Variants in KMT2D observed in about 807,000 individuals in gnomAD.
KMT2D encodes lysine methyltransferase 2D.
Under a neutral mutation model 512.7 loss-of-function variants are expected in KMT2D, and 55 were observed. That is an observed-to-expected ratio of 0.11 (90% confidence interval 0.09 to 0.13). KMT2D has a LOEUF of 0.13. KMT2D is among the 10% of genes least tolerant of loss of function. The probability of loss-of-function intolerance (pLI) is 1.00; values close to 1 mark genes in which losing one functional copy is unlikely to be tolerated. For missense variants in KMT2D, 6,061 were observed against 7,127.9 expected (o/e 0.85, Z 5.39); for synonymous variants, 2,995 against 2,904.0 (o/e 1.03, Z -1.01).
chr12:49,049,107 C>T lies in KMT2D; in HGVS notation c.4018G>A (p.Val1340Ile), dbSNP rs2120630156. 5 of 1,594,290 alleles carry T rather than the reference C, an allele frequency of 3.1e-6. No homozygotes were observed. The highest frequency in any genetic ancestry group is 2.6e-6 in the Non-Finnish European group (3 of 1,163,800). The change falls in exon 13 of 55, where the codon GTA (valine) becomes ATA (isoleucine). Residue 1340 changes from valine (V) to isoleucine (I), a missense_variant and splice_region_variant. Val to Ile is a conservative substitution (Grantham distance 29, BLOSUM62 3). Transcript: ENST00000301067. ...AGGAATAGGAGGCATCTCCTTACTA[C>T]CAGAGTCTCAATGGAAGAAGCAGTT... ...KSTASSIETL[V>I]VADIDSSPSK... is the part of the protein sequence containing the mutation.
rs575378376 is a variant in KMT2D at position 49,042,666 on chromosome 12, G to A, written c.5783-21C>T. Reference sequence around the variant, plus strand: ...TCCACCTACAAGACGGACAGGATCAGAGAAAAGAGCAACTGGCCCATCCTG... The same window carrying A: ...TCCACCTACAAGACGGACAGGATCAAAGAAAAGAGCAACTGGCCCATCCTG... On this transcript the variant is annotated intron_variant, in intron 27 of 54. Transcript: ENST00000301067. This position sits in a 1 kb window ranked among gnomAD's most constrained non-coding sequence, Gnocchi z 4.4. 7 of 1,611,308 alleles carry A rather than the reference G, an allele frequency of 4.3e-6. No homozygotes were observed. The highest frequency in any genetic ancestry group is 5.9e-6 in the Non-Finnish European group (7 of 1,178,172).
intron 49 of KMT2D, among the ~76,000 whole-genome samples, chr12:49,025,585 A>G (rs11168826): frequency 0.032 from 4,902 of 152,242 alleles, 267 homozygotes; most frequent in African/African-American, 0.11. Flanking sequence ...ATCACCTAAC[A>G]ATGCATTTCT....
chr12:49,035,062 CACTG>C, intron 35 of KMT2D, 127 bp from the exon 36 acceptor site: 4 of 1,206,744 alleles, frequency 3.3e-6, no homozygotes, highest in Non-Finnish European at 4.7e-6. Context: ...GCAGAAAGAC[CACTG>C]AATTAGGAGC....
intron 49 of KMT2D, 124 bp from the exon 50 acceptor site, chr12:49,025,070 T>C (rs1320725681): frequency 2.6e-6 from 3 of 1,161,294 alleles, no homozygotes; most frequent in Middle Eastern, 2.8e-4. Context: ...GAAGTTGTGT[T>C]GGTCTTCCAG....
chr12:49,022,214 T>C lies in KMT2D; in HGVS notation c.16413-63A>G, dbSNP rs2137704424. ...AACTTGGGACAATTTTGATTCCTTGTTCGTCTATCCCCCAGAGTGCCACTC... is the reference window on the plus strand; with the variant it reads ...AACTTGGGACAATTTTGATTCCTTGCTCGTCTATCCCCCAGAGTGCCACTC... On this transcript the variant is annotated intron_variant, in intron 53 of 54. Transcript: ENST00000301067. This position sits in a 1 kb window ranked among gnomAD's most constrained non-coding sequence, Gnocchi z 8.6. The C allele has an allele frequency of 6.2e-7, 1 of 1,602,630 alleles. No homozygotes were observed. The highest frequency in any genetic ancestry group is 8.5e-7 in the Non-Finnish European group (1 of 1,169,796).
rs2120667888 is a variant in KMT2D at position 49,051,317 on chromosome 12, G to A, written c.2366C>T (p.Ser789Phe). 1.3e-6 allele frequency: 2 copies of A among 1,589,254 alleles called. No homozygotes were observed. The highest frequency in any genetic ancestry group is 1.4e-5 in the African/African-American group (1 of 73,788). The part of the protein sequence containing the change: ...LCAVPEEPHL[S>F]PQAEGPHLSP... ...CAGATGTGGTCCCTCAGCCTGGGGG[G>A]ACAAGTGTGGCTCCTCAGGCACAGC... Residue 789 changes from serine (S) to phenylalanine (F), a missense_variant, in exon 11 of 55, where the codon TCC (serine) becomes TTC (phenylalanine). Coordinates refer to ENST00000301067, the MANE Select transcript of KMT2D (RefSeq NM_003482.4).
At position 49,041,462 on chromosome 12, in the gene KMT2D, T is replaced by C. The variant is rs1298762622; in HGVS notation, c.6308A>G (p.His2103Arg). ...IARKTDRPAL[H>R]LRIPPQPGAL... ...CCCTGGCTGCGGGGGAATGCGGAGA[T>C]GTAGGGCCGGTCGGTCAGTCTTACG... The change falls in exon 32 of 55, where the codon CAT becomes CGT. Residue 2103 changes from histidine to arginine, a missense_variant. Transcript: ENST00000301067. This position sits in a 1 kb window ranked among gnomAD's most constrained non-coding sequence, Gnocchi z 5.4. 1.2e-6 allele frequency: 2 copies of C among 1,613,322 alleles called. No homozygotes were observed. The highest frequency in any genetic ancestry group is 1.7e-6 in the Non-Finnish European group (2 of 1,179,464).
intron 48 of KMT2D, 28 bp downstream of exon 48, chr12:49,027,775 C>T (rs1477133478): frequency 6.4e-7 from 1 of 1,552,730 alleles, no homozygotes; most frequent in South Asian, 1.2e-5. Context: ...TTTTCTAACA[C>T]CCACCCCTTT....
chr12:49,028,287 T>C, intron 46 of KMT2D, 146 bp from the exon 47 acceptor site: 2 of 980,988 alleles, frequency 2.0e-6, no homozygotes, highest in East Asian at 5.4e-5. Context: ...TTTCATACAC[T>C]TCCCTCACAG....
rs1395733802 is a variant in KMT2D at position 49,031,554 on chromosome 12, G to A, written c.13151C>T (p.Ala4384Val). ...LGPWDPPDNL[A>V]ETQKPEQSSL... The stretch of plus-strand genomic sequence containing the variant: ...GCTCTGCTCTGGCTTCTGGGTTTCT[G>A]CTAGGTTGTCTGGGGGATCCCAAGG... Residue 4384 changes from alanine to valine, a missense_variant, in exon 40 of 55, where the codon GCA becomes GTA. This residue lies in a region of KMT2D where 1,600 missense variants were observed against 1,754.9 expected (regional missense o/e 0.91). Coordinates refer to ENST00000301067, the MANE Select transcript of KMT2D (RefSeq NM_003482.4). The A allele has an allele frequency of 4.4e-6, 7 of 1,603,492 alleles. No individual in the cohort carries two copies.
rs1365837408 is a variant in KMT2D, at chr12:49,060,577, G to A, written c.-1002C>T. Among the ~76,000 whole-genome samples, 1 of 152,198 alleles carries A rather than the reference G, an allele frequency of 6.6e-6. No homozygotes were observed. Among genetic ancestry groups the A allele is most frequent in the Non-Finnish European group, 1.5e-5 (1 of 68,018 alleles). The stretch of plus-strand genomic sequence containing the variant: ...TGCAACCGGAGAGGAAAGTAGTGCA[G>A]CGCGGCGCCGCTCCGCCTCCCCCCC... On this transcript the variant is annotated 5_prime_UTR_variant, in exon 1 of 55. Transcript: ENST00000301067.
rs755983502 is a variant in KMT2D at position 49,044,351 on chromosome 12, T to A, written c.5084-47A>T. 1 of 1,613,598 alleles carries A rather than the reference T, an allele frequency of 6.2e-7. No individual in the cohort carries two copies. Among genetic ancestry groups the A allele is most frequent in the Non-Finnish European group, 8.5e-7 (1 of 1,179,674 alleles). On this transcript the variant is annotated intron_variant, in intron 21 of 54. Transcript: ENST00000301067. The surrounding 1 kb of genome is among the most constrained non-coding windows in gnomAD (Gnocchi z 6.4). ...GATGAGAAGCCGCTGGGGGACCTAT[T>A]GAGCTGCCCCGCACCACCCCACCAC...
rs1937998272 is a variant in KMT2D, at chr12:49,051,405, G to T, written c.2278C>A (p.His760Asn). The T allele has an allele frequency of 6.2e-7, 1 of 1,611,570 alleles. No homozygotes were observed. The highest frequency in any genetic ancestry group is 8.5e-7 in the Non-Finnish European group (1 of 1,179,024). Residue 760 changes from histidine to asparagine, a missense_variant, in exon 11 of 55, where the codon CAC becomes AAC. By Grantham distance (68) the His-to-Asn change is moderately conservative. Transcript: ENST00000301067. ...PHLSPRPEEP[H>N]LSPQAEEPHL... ...GGCTCCTCAGCCTGCGGAGATAGGTGTGGCTCCTCAGGCCGGGGGGACAGG... is the reference window on the plus strand; with the variant it reads ...GGCTCCTCAGCCTGCGGAGATAGGTTTGGCTCCTCAGGCCGGGGGGACAGG...
chr12:49,059,567 C>G (rs953142671), intron 1 of KMT2D, 46 bp downstream of exon 1: 4 of 152,342 alleles, frequency 2.6e-5, no homozygotes, highest in Non-Finnish European at 5.9e-5. Flanking sequence ...TGGCTGTGCC[C>G]CCAGTCCAAC....
intron 13 of KMT2D, 112 bp from the exon 14 acceptor site, chr12:49,048,881 CA>C: frequency 1.3e-6 from 1 of 776,804 alleles, no homozygotes; most frequent in Non-Finnish European, 2.2e-6. Flanking sequence ...AGATGAAGGC[CA>C]AAAGCCAGGA....
rs771228283 is a variant in KMT2D at position 49,054,627 on chromosome 12, C to T, written c.301G>A (p.Gly101Arg). The change falls in exon 4 of 55, where the codon GGG (glycine) becomes AGG (arginine). Residue 101 changes from glycine (G) to arginine (R), a missense_variant. Physicochemically the swap from Gly to Arg is moderately radical, Grantham distance 125. Around this residue, in one of 16 missense-constraint regions of KMT2D, gnomAD observed 144 missense variants for 165.7 expected, o/e 0.87. Coordinates refer to ENST00000301067, the MANE Select transcript of KMT2D (RefSeq NM_003482.4). This position sits in a 1 kb window ranked among gnomAD's most constrained non-coding sequence, Gnocchi z 6.4. ...WPRCPVVSPG[G>R]SPGPNEAVLP... ...ACTGCCTCATTGGGCCCTGGGCTCC[C>T]CCCAGGGGACACCACTGGACACCGG... 1 of 1,613,174 alleles carries T rather than the reference C, an allele frequency of 6.2e-7. No individual in the cohort carries two copies. Among genetic ancestry groups the T allele is most frequent in the Non-Finnish European group, 8.5e-7 (1 of 1,179,466 alleles).
In KMT2D at chr12:49,051,713, G is replaced by A. The variant is rs779943229; in HGVS notation, c.1970C>T (p.Pro657Leu). 21 of 1,580,316 alleles carry A rather than the reference G, an allele frequency of 1.3e-5. No individual in the cohort carries two copies. The highest frequency in any genetic ancestry group is 1.7e-5 in the Non-Finnish European group (20 of 1,159,114). The change falls in exon 11 of 55, where the codon CCT becomes CTT. Residue 657 changes from proline to leucine, a missense_variant. By Grantham distance (98) the Pro-to-Leu change is moderately conservative (BLOSUM62 -3). Around this residue, in one of 16 missense-constraint regions of KMT2D, gnomAD observed 848 missense variants for 838.5 expected, o/e 1.01. Transcript: ENST00000301067. Reference protein sequence around the residue: ...PPEVSRLSPLPVVSRLSPPPE... With the variant: ...PPEVSRLSPLLVVSRLSPPPE... Reference sequence around the variant, plus strand: ...CGGTGGAGACAGGCGTGACACCACAGGCAGGGGGGATAGGCGCGATACCTC... The same window carrying A: ...CGGTGGAGACAGGCGTGACACCACAAGCAGGGGGGATAGGCGCGATACCTC...
At chr12:49,056,361 A>G (rs1183366637) in intron 1 of KMT2D, among the ~76,000 whole-genome samples, 1 of 152,206 alleles carries the variant, frequency 6.6e-6, no homozygotes. Context: ...TATCAGAGCC[A>G]AATGAAACAC....
chr12:49,045,718 C>T (rs1041769574), intron 19 of KMT2D, among the ~76,000 whole-genome samples: 4 of 151,358 alleles, frequency 2.6e-5, no homozygotes, highest in Non-Finnish European at 5.9e-5. Flanking sequence ...ATGAAAGGAA[C>T]ATTGCCCGGG....
Sources: allele counts gnomAD v4.1 joint callset (sites outside exome capture counted in the v4.1 genomes callset), GRCh38; gene constraint gnomAD v4.1.1; regional missense constraint gnomAD v4.1.1; non-coding constraint Gnocchi (gnomAD v3.1); transcripts MANE v1.5; gene names NCBI Gene and HGNC (gene_info 2026-07-23, HGNC 2026-07-21).